The following NUP58 variants were observed in gnomAD, a reference collection of about 807,000 sequenced individuals.
NUP58 encodes the protein nucleoporin p58/p45.
A neutral mutation model predicts 70.1 loss-of-function variants in NUP58; 17 were observed. That is an observed-to-expected ratio of 0.24 (90% CI 0.17 to 0.36). The LOEUF (loss-of-function observed/expected upper bound fraction) is 0.36. NUP58 is among the 10% of genes least tolerant of loss of function. The probability of loss-of-function intolerance (pLI) is 1.00; values close to 1 mark genes in which losing one functional copy is unlikely to be tolerated. For missense variants in NUP58, 644 were observed against 701.5 expected (o/e 0.92, Z 0.93); for synonymous variants, 275 against 257.6 (o/e 1.07, Z -0.65).
At chr13:25,319,225 GTTTATA>G (rs59567333) in intron 6 of NUP58, 95 bp from the exon 7 acceptor site, 1,016,444 of 1,067,180 alleles carry the variant, frequency 0.95, 494,283 homozygotes, top group Non-Finnish European at 1. Context: ...ATGCTTAACA[GTTTATA>G]TTTATACTTT....
Position 25,312,895 on chromosome 13 carries a change from C to G in NUP58, c.299C>G (p.Thr100Ser), listed in dbSNP as rs2137742085. The G allele has an allele frequency of 6.2e-7, 1 of 1,610,986 alleles. No homozygotes were observed. The highest frequency in any genetic ancestry group is 2.2e-5 in the East Asian group (1 of 44,784). ...TTGLTLGTPA[T>S]TSAATTGFSL... ...TTTATTTAAATAGGAACGCCAGCCA[C>G]TACATCTGCAGCTACAACAGGCTTC... Residue 100 changes from threonine to serine, a missense_variant, in exon 4 of 16, where the codon ACT (threonine) becomes AGT (serine). Coordinates refer to ENST00000381736, the MANE Select transcript of NUP58 (RefSeq NM_014089.4).
In NUP58 at chr13:25,319,005, A is replaced by G. The variant is rs957684450; in HGVS notation, c.686-321A>G. Among the ~76,000 whole-genome samples, 7 of 152,346 alleles carry G rather than the reference A, an allele frequency of 4.6e-5. No homozygotes were observed. The South Asian group carries it at 6.2e-4, about 14-fold the overall frequency. On this transcript the variant is annotated intron_variant, in intron 6 of 15. Transcript: ENST00000381736. ...CCTTGAAAGTATATGTACATCTGCC[A>G]TATATCTGCTTATGTGTACAGATGT...
intron 12 of NUP58, among the ~76,000 whole-genome samples, chr13:25,327,988 C>A (rs2031462593): frequency 6.6e-6 from 1 of 152,016 alleles, no homozygotes; most frequent in South Asian, 2.1e-4. Context: ...ATCACAAAGT[C>A]AGGAGTTCAA....
exon 4 of NUP58, chr13:25,349,586 A>C (rs1566077604): frequency 6.6e-6 from 1 of 152,648 alleles, no homozygotes; most frequent in African/African-American, 2.4e-5. Context: ...GTTTTAACTG[A>C]ATTTCGAAAA....
downstream of NUP58, among the ~76,000 whole-genome samples, chr13:25,346,215 A>G (rs150216166): frequency 6.6e-6 from 1 of 152,276 alleles, no homozygotes; most frequent in East Asian, 1.9e-4. Flanking sequence ...GAGCTGCCAT[A>G]CGTTAACTCA....
At chr13:25,332,884 C>G (rs967405490) in intron 13 of NUP58, 24 of 985,394 alleles carry the variant, frequency 2.4e-5, no homozygotes, top group Middle Eastern at 1.0e-3. Context: ...TTATGACCAT[C>G]AGCTCTCATG....
downstream of NUP58, among the ~76,000 whole-genome samples, chr13:25,344,087 T>A (rs1320820816): frequency 6.6e-6 from 1 of 152,098 alleles, no homozygotes; most frequent in Non-Finnish European, 1.5e-5. Context: ...ATCCTAATTA[T>A]AAGTCTTTGT....
chr13:25,320,838 GA>G (rs1327738531), intron 8 of NUP58, 80 bp from the exon 9 acceptor site: 4 of 919,470 alleles, frequency 4.4e-6, no homozygotes, highest in African/African-American at 3.4e-5. Flanking sequence ...AAAACACTTG[GA>G]CTGTTTTAAG....
Position 25,333,403 on chromosome 13 carries a change from T to G in NUP58, c.1435+1845T>G, listed in dbSNP as rs943792083. 3.0e-6 allele frequency: 3 copies of G among 985,284 alleles called. No individual in the cohort carries two copies. In the East Asian group the frequency reaches 3.4e-4, roughly 112 times the overall value. 61.0% of individuals were successfully genotyped at this position (985,284 alleles called of 1,614,324 possible). ...ATTTTGTCTGTGACTTTTGCCAGGC[T>G]TTGGGGAAATTGACTGCCTTCACTC... On this transcript the variant is annotated intron_variant, in intron 13 of 15. Transcript: ENST00000381736.
intron 7 of NUP58, 112 bp downstream of exon 7, chr13:25,319,462 CTT>C (rs1372615227): frequency 3.2e-6 from 3 of 939,264 alleles, no homozygotes; most frequent in East Asian, 2.4e-5. Flanking sequence ...GGAGAAAAAA[CTT>C]TTTTGTAATG....
At chr13:25,338,243 A>G (rs1267707002) in intron 14 of NUP58, among the ~76,000 whole-genome samples, 1 of 152,204 alleles carries the variant, frequency 6.6e-6, no homozygotes, top group African/African-American at 2.4e-5. Flanking sequence ...ATTGTAGTGC[A>G]TGTCATGCTT....
rs748978389 is a variant in NUP58, at chr13:25,326,905, G to A, written c.1032-11G>A. ...AAATATTTGATCTGACTTTTTAAAT[G>A]TTTTTTAAAGCTACTTCAGAATCTT... On this transcript the variant is annotated splice_polypyrimidine_tract_variant and intron_variant, in intron 10 of 15. Transcript: ENST00000381736. The A allele has an allele frequency of 6.8e-7, 1 of 1,475,802 alleles. No homozygotes were observed. The highest frequency in any genetic ancestry group is 9.3e-7 in the Non-Finnish European group (1 of 1,076,380). The allele number at this position is 1,475,802 out of a possible 1,614,324, so 91.4% of individuals were successfully genotyped here.
At chr13:25,320,363 C>T in intron 7 of NUP58, 167 bp from the exon 8 acceptor site, 2 of 505,052 alleles carry the variant, frequency 4.0e-6, no homozygotes, top group Middle Eastern at 5.3e-4. Context: ...ATCCTATTTA[C>T]AATAAATTTA....
intron 4 of NUP58, 111 bp from the exon 5 acceptor site, chr13:25,313,503 A>G (rs2030775656): frequency 1.9e-6 from 2 of 1,057,876 alleles, no homozygotes; most frequent in South Asian, 4.8e-5. Context: ...AGTTCTTCCA[A>G]AGAGCCAATT....
In NUP58 at chr13:25,321,027, G is replaced by A. The variant is rs144757090; in HGVS notation, c.885G>A (p.Ser295=). ...EDIKALKQLL[S]LAANGIQRNT... ...TTAAAGCTCTGAAGCAGCTCCTGTC[G>A]TTGGCTGCCAATGGAATACAGAGAA... Residue 295 remains serine, a synonymous_variant, in exon 9 of 16, where the codon TCG becomes TCA. Transcript: ENST00000381736. 21 of 1,600,568 alleles carry A rather than the reference G, an allele frequency of 1.3e-5. No individual in the cohort carries two copies. Among genetic ancestry groups the A allele is most frequent in the African/African-American group, 4.0e-5 (3 of 74,078 alleles).
At chr13:25,305,542 A>G (rs1044966832) in intron 1 of NUP58, among the ~76,000 whole-genome samples, 5 of 152,042 alleles carry the variant, frequency 3.3e-5, no homozygotes, top group African/African-American at 1.2e-4. Context: ...CATATGCCCA[A>G]GGTGCACACA....
Position 25,339,979 on chromosome 13 carries a change from A to C in NUP58, c.1645A>C (p.Ser549Arg). Residue 549 changes from serine to arginine, a missense_variant, in exon 16 of 16, where the codon AGT becomes CGT. This residue lies in a region of NUP58 where 132 missense variants were observed against 203.9 expected (regional missense o/e 0.65). Coordinates refer to ENST00000381736, the MANE Select transcript of NUP58 (RefSeq NM_014089.4). The part of the protein sequence containing the change: ...GSLSAGFGSS[S>R]TSGFNFSNPG... ...CTAAACATAAGGCTTTGGCAGCTCAAGTACATCTGGGTTTAACTTCAGCAA... is the reference window on the plus strand; with the variant it reads ...CTAAACATAAGGCTTTGGCAGCTCACGTACATCTGGGTTTAACTTCAGCAA... The C allele has an allele frequency of 6.2e-7, 1 of 1,603,240 alleles. No homozygotes were observed. The highest frequency in any genetic ancestry group is 2.3e-5 in the East Asian group (1 of 44,126).
intron 10 of NUP58, among the ~76,000 whole-genome samples, chr13:25,325,888 T>A (rs1185490642): frequency 6.6e-6 from 1 of 152,188 alleles, no homozygotes; most frequent in African/African-American, 2.4e-5. Context: ...TTTAGTTTTT[T>A]ATTATAATTT....
rs769966552 is a variant in NUP58, at chr13:25,307,998, T to G, written c.250+50T>G. The G allele has an allele frequency of 2.5e-6, 4 of 1,599,204 alleles. No homozygotes were observed. The African/African-American group carries it at 4.0e-5, about 16-fold the overall frequency. On this transcript the variant is annotated intron_variant, in intron 2 of 15. Coordinates refer to ENST00000381736, the MANE Select transcript of NUP58 (RefSeq NM_014089.4). ...CAGAGAGTAGGCTTGGGATATTCTT[T>G]CCTAAATTGTGTCCTGTATCTCTCT...
Sources: allele counts gnomAD v4.1 joint callset (sites outside exome capture counted in the v4.1 genomes callset), GRCh38; gene constraint gnomAD v4.1.1; regional missense constraint gnomAD v4.1.1; transcripts MANE v1.5; gene names NCBI Gene and HGNC (gene_info 2026-07-23, HGNC 2026-07-21).